Variants in ANTXR2 observed in about 807,000 individuals in gnomAD.
ANTXR2 encodes the protein ANTXR cell adhesion molecule 2, also known as anthrax toxin receptor 2.
Under a neutral mutation model 73.7 loss-of-function variants are expected in ANTXR2, and 44 were observed. That is an observed-to-expected ratio of 0.60 (90% CI 0.47 to 0.77). The LOEUF (loss-of-function observed/expected upper bound fraction) is 0.77, where lower values mean the gene tolerates loss of function less well. ANTXR2 is among the 30% of genes least tolerant of loss of function. ANTXR2 has a pLI of 0.00. For synonymous variants in ANTXR2, 217 were observed against 205.9 expected (o/e 1.05, Z -0.46); for missense variants, 604 against 592.5 (o/e 1.02, Z -0.20).
At chr4:80,038,138 G>C (rs1169690596) in intron 7 of ANTXR2, among the ~76,000 whole-genome samples, 2 of 152,012 alleles carry the variant, frequency 1.3e-5, no homozygotes, top group Admixed American at 6.6e-5. Flanking sequence ...TCAGAATAAA[G>C]TAAATCAAAA....
chr4:80,029,284 G>A (rs946195955), intron 10 of ANTXR2, among the ~76,000 whole-genome samples: 7 of 152,046 alleles, frequency 4.6e-5, no homozygotes, highest in Non-Finnish European at 1.0e-4. Context: ...AACTACTTCA[G>A]AGAAGAAAGT....
At chr4:80,024,055 A>G (rs1732301085) in intron 10 of ANTXR2, among the ~76,000 whole-genome samples, 1 of 152,230 alleles carries the variant, frequency 6.6e-6, no homozygotes, top group African/African-American at 2.4e-5. Flanking sequence ...TAAGTACCAA[A>G]GTAGAATTGA....
intron 16 of ANTXR2, among the ~76,000 whole-genome samples, chr4:79,917,576 C>T (rs1032437707): frequency 5.3e-5 from 8 of 152,100 alleles, no homozygotes; most frequent in African/African-American, 1.9e-4. Flanking sequence ...TACAAGCTTG[C>T]TGATGAACTG....
intron 16 of ANTXR2, among the ~76,000 whole-genome samples, chr4:79,946,530 G>T (rs1372858862): frequency 6.6e-6 from 1 of 152,038 alleles, no homozygotes; most frequent in Admixed American, 6.6e-5. Flanking sequence ...ATTGAATATG[G>T]GCAGCCCCAG....
chr4:79,906,794 G>A lies in ANTXR2; in HGVS notation c.*635C>T, dbSNP rs1463391673. 1 of 152,660 alleles carries A rather than the reference G, an allele frequency of 6.6e-6. No individual in the cohort carries two copies. Among genetic ancestry groups the A allele is most frequent in the Non-Finnish European group, 1.5e-5 (1 of 68,112 alleles). 9.5% of individuals were successfully genotyped at this position (152,660 alleles called of 1,614,324 possible). On this transcript the variant is annotated 3_prime_UTR_variant, in exon 17 of 17. Coordinates refer to ENST00000403729, the MANE Select transcript of ANTXR2 (RefSeq NM_058172.6). ...ATCTTGCTTGCTACCAATACCTTGA[G>A]GCATCTTGTCTACATTTTGTCATGC...
At chr4:79,986,340 G>T (rs1188335465) in intron 12 of ANTXR2, among the ~76,000 whole-genome samples, 1 of 151,978 alleles carries the variant, frequency 6.6e-6, no homozygotes, top group African/African-American at 2.4e-5. Context: ...ATTTTCAAAG[G>T]TTTAAAACAA....
At chr4:80,033,903 C>A (rs1031427723) in intron 8 of ANTXR2, among the ~76,000 whole-genome samples, 1 of 152,010 alleles carries the variant, frequency 6.6e-6, no homozygotes, top group Non-Finnish European at 1.5e-5. Flanking sequence ...AACTTCTATC[C>A]TTAGGAAAAT....
chr4:80,002,283 G>A lies in ANTXR2; in HGVS notation c.1041+6238C>T, dbSNP rs182179734. On this transcript the variant is annotated intron_variant, in intron 12 of 16. Transcript: ENST00000403729. ...TATCTACAACTAACCGATCTTTGAC[G>A]AACCTGACAAAAACAAGCAATGGGG... is the stretch of plus-strand genomic sequence containing the variant. Among the ~76,000 whole-genome samples the A allele has an allele frequency of 4.6e-3, 699 of 152,052 alleles. 10 individuals are homozygous for A. Among genetic ancestry groups the A allele is most frequent in the African/African-American group, 0.016 (660 of 41,482 alleles).
chr4:79,976,215 A>C (rs1165702500), intron 16 of ANTXR2, among the ~76,000 whole-genome samples: 1 of 152,002 alleles, frequency 6.6e-6, no homozygotes, highest in Non-Finnish European at 1.5e-5. Flanking sequence ...CCCGGCCCTC[A>C]AATCGCATTT....
chr4:79,991,628 T>G (rs1730475374), intron 12 of ANTXR2, among the ~76,000 whole-genome samples: 1 of 152,086 alleles, frequency 6.6e-6, no homozygotes, highest in Admixed American at 6.6e-5. Flanking sequence ...ATATAAATCG[T>G]TCTACCAAAG....
chr4:79,946,703 G>A (rs1475827918), intron 16 of ANTXR2, among the ~76,000 whole-genome samples: 3 of 152,128 alleles, frequency 2.0e-5, no homozygotes, highest in African/African-American at 2.4e-5. Context: ...GTATCAATTC[G>A]AGAAAATCAA....
intron 10 of ANTXR2, among the ~76,000 whole-genome samples, chr4:80,023,070 G>T (rs2110073405): frequency 6.6e-6 from 1 of 152,188 alleles, no homozygotes; most frequent in South Asian, 2.1e-4. Context: ...AAACCTTTTA[G>T]ATCCAAGCTA....
intron 11 of ANTXR2, among the ~76,000 whole-genome samples, chr4:80,016,620 GC>G (rs1367362162): frequency 5.3e-5 from 8 of 152,224 alleles, no homozygotes; most frequent in African/African-American, 1.9e-4. Flanking sequence ...ATATTCAGGG[GC>G]CTGACATTTC....
At chr4:79,957,059 A>C (rs567958293) in intron 16 of ANTXR2, among the ~76,000 whole-genome samples, 1 of 152,246 alleles carries the variant, frequency 6.6e-6, no homozygotes, top group South Asian at 2.1e-4. Flanking sequence ...CTGCTATATC[A>C]TAATTTTTAT....
In ANTXR2 at chr4:79,910,843, G is replaced by C. The variant is rs888605771; in HGVS notation, c.1429-3376C>G. ...AAATAGATGAGAGTAGCACAGAAGA[G>C]GAAAAGGTAAGAAAGAAGAATCAAG... On this transcript the variant is annotated intron_variant, in intron 16 of 16. Coordinates refer to ENST00000403729, the MANE Select transcript of ANTXR2 (RefSeq NM_058172.6). Among the ~76,000 whole-genome samples, 10 of 152,164 alleles carry C rather than the reference G, an allele frequency of 6.6e-5. 1 individual carries two copies. The highest frequency in any genetic ancestry group is 3.9e-4 in the Admixed American group (6 of 15,264).
intron 11 of ANTXR2, among the ~76,000 whole-genome samples, chr4:80,015,624 C>T (rs889643077): frequency 2.0e-5 from 3 of 150,540 alleles, no homozygotes; most frequent in Non-Finnish European, 4.4e-5. Context: ...TTTCTCAAGG[C>T]AATAAAACCT....
chr4:80,062,943 T>C (rs2110116797), intron 3 of ANTXR2, among the ~76,000 whole-genome samples: 1 of 151,800 alleles, frequency 6.6e-6, no homozygotes, highest in African/African-American at 2.4e-5. Flanking sequence ...CCAAACCCCA[T>C]GTTAGCCTTG....
Position 80,017,320 on chromosome 4 carries a change from G to T in ANTXR2, c.945+1578C>A, listed in dbSNP as rs76245752. Among the ~76,000 whole-genome samples the T allele has an allele frequency of 3.2e-3, 494 of 152,288 alleles. 1 individual carries two copies. The highest frequency in any genetic ancestry group is 5.4e-3 in the Non-Finnish European group (369 of 68,026). ...GCACTATTCCCTCAGATGGTCTGCA[G>T]GCCTCACTCCCTTACCTTCAAGTCT... On this transcript the variant is annotated intron_variant, in intron 11 of 16. Transcript: ENST00000403729.
chr4:79,918,414 T>C (rs6858034), intron 16 of ANTXR2, among the ~76,000 whole-genome samples: 36,030 of 151,902 alleles, frequency 0.24, 5,073 homozygotes, highest in East Asian at 0.69. Context: ...GAGTTAAACT[T>C]CTGAAAACCA....
Sources: allele counts gnomAD v4.1 joint callset (sites outside exome capture counted in the v4.1 genomes callset), GRCh38; gene constraint gnomAD v4.1.1; transcripts MANE v1.5; gene names NCBI Gene and HGNC (gene_info 2026-07-23, HGNC 2026-07-21).